MICAL2: variants seen among roughly 807,000 people sequenced by gnomAD.
MICAL2 encodes the protein [F-actin]-monooxygenase MICAL2.
MICAL2 carries 77 observed loss-of-function variants against 127.3 expected under a neutral mutation model. The observed-to-expected ratio is 0.60, with a 90% CI of 0.50 to 0.73. The LOEUF (loss-of-function observed/expected upper bound fraction) is 0.73. Ranked by LOEUF, MICAL2 falls within the 30% of genes least tolerant of loss-of-function variation. The probability of loss-of-function intolerance (pLI) is 0.00; values close to 1 mark genes in which losing one functional copy is unlikely to be tolerated. For missense variants in MICAL2, 1,351 were observed against 1,434.4 expected (o/e 0.94, Z 0.94); for synonymous variants, 570 against 551.1 (o/e 1.03, Z -0.48).
chr11:12,350,020 C>T (rs1050255290), intron 33 of MICAL2: 11 of 1,099,152 alleles, frequency 1.0e-5, no homozygotes, highest in East Asian at 9.9e-5. Flanking sequence ...GCCGAAGTCT[C>T]GGGACTTTTT....
chr11:12,208,459 T>A (rs1159588554), intron 5 of MICAL2: 1 of 258,724 alleles, frequency 3.9e-6, no homozygotes, highest in Non-Finnish European at 7.5e-6. Flanking sequence ...GTAAGGTTCA[T>A]TCACGTGTTC....
chr11:12,332,804 A>G (rs187308488), intron 32 of MICAL2, among the ~76,000 whole-genome samples: 9 of 152,318 alleles, frequency 5.9e-5, no homozygotes, highest in Admixed American at 5.9e-4. Flanking sequence ...GTTGTGCAGT[A>G]GTCACACAGT....
At chr11:12,117,957 T>C (rs567887910) in intron 1 of MICAL2, among the ~76,000 whole-genome samples, 1 of 152,316 alleles carries the variant, frequency 6.6e-6, no homozygotes, top group South Asian at 2.1e-4. Flanking sequence ...GTGAGGCTCA[T>C]GCAGTTGGAG....
chr11:12,355,248 T>C (rs968292642), intron 34 of MICAL2, among the ~76,000 whole-genome samples: 1 of 152,002 alleles, frequency 6.6e-6, no homozygotes, highest in Non-Finnish European at 1.5e-5. Flanking sequence ...GCTAGTTCAG[T>C]GAGATGAAGG....
At chr11:12,273,883 A>G (rs141923475), upstream of MICAL2, among the ~76,000 whole-genome samples, 6 of 152,168 alleles carry the variant, frequency 3.9e-5, no homozygotes, top group East Asian at 1.2e-3. Context: ...GTCACTGTGG[A>G]CTGTGCTGGG....
chr11:12,189,492 G>A (rs979610622), intron 3 of MICAL2, among the ~76,000 whole-genome samples: 1 of 152,150 alleles, frequency 6.6e-6, no homozygotes, highest in East Asian at 1.9e-4. Flanking sequence ...GGTAGGATCA[G>A]GTATTACAGG....
chr11:12,320,577 G>T (rs1864281722), intron 30 of MICAL2, among the ~76,000 whole-genome samples: 1 of 152,164 alleles, frequency 6.6e-6, no homozygotes, highest in African/African-American at 2.4e-5. Flanking sequence ...GACCTAAAAT[G>T]CTTCCCGGGT....
intron 34 of MICAL2, among the ~76,000 whole-genome samples, chr11:12,356,792 G>A (rs752101851): frequency 6.6e-5 from 10 of 152,278 alleles, no homozygotes; most frequent in South Asian, 6.2e-4. Flanking sequence ...TCTAGGCTCC[G>A]CCCATGCCGC....
intron 3 of MICAL2, among the ~76,000 whole-genome samples, chr11:12,171,526 T>C (rs1049377994): frequency 6.6e-6 from 1 of 152,236 alleles, no homozygotes; most frequent in Non-Finnish European, 1.5e-5. Context: ...TATCTGTCTA[T>C]CTCCTACTCA....
intron 24 of MICAL2, among the ~76,000 whole-genome samples, chr11:12,269,509 C>T (rs1218428589): frequency 6.6e-6 from 1 of 152,208 alleles, no homozygotes; most frequent in African/African-American, 2.4e-5. Context: ...TGTGCCCCCA[C>T]CCCTCACCTG....
Position 12,236,231 on chromosome 11 carries a change from AC to A in MICAL2, c.2052del (p.Asn685ThrfsTer52). 1 of 1,614,236 alleles carries A rather than the reference AC, an allele frequency of 6.2e-7. No individual in the cohort carries two copies. Among genetic ancestry groups the A allele is most frequent in the Non-Finnish European group, 8.5e-7 (1 of 1,180,034 alleles). On this transcript the variant is annotated frameshift_variant, in exon 16 of 28. Coordinates refer to ENST00000683283, the MANE Select transcript of MICAL2 (RefSeq NM_001282663.2). LOFTEE classifies it high-confidence loss of function. Reference sequence around the variant, plus strand: ...GAACAAACGGAGACGGAAGGGCTTCACCAACCTGGACGAGGTTTGTGTACAC... The same window carrying A: ...GAACAAACGGAGACGGAAGGGCTTCACAACCTGGACGAGGTTTGTGTACAC... The part of the protein sequence containing the change: ...DMNKRRRKGF[T>X]NLDEPSNFSS...
intron 21 of MICAL2, among the ~76,000 whole-genome samples, chr11:12,248,901 G>A (rs1861145292): frequency 1.3e-5 from 2 of 152,170 alleles, no homozygotes; most frequent in South Asian, 4.1e-4. Context: ...CGTAGTGCTG[G>A]TGTGGAAGAA....
chr11:12,200,308 A>G (rs1377045707), intron 3 of MICAL2, among the ~76,000 whole-genome samples: 1 of 152,206 alleles, frequency 6.6e-6, no homozygotes, highest in Non-Finnish European at 1.5e-5. Flanking sequence ...TTCCTTGGAC[A>G]TAAGGCCTAG....
intron 29 of MICAL2, among the ~76,000 whole-genome samples, chr11:12,300,391 A>G (rs768004364): frequency 6.7e-6 from 1 of 148,684 alleles, no homozygotes; most frequent in African/African-American, 2.5e-5. Flanking sequence ...GTGCAAATAT[A>G]GTTAAGCCCC....
At chr11:12,300,065 C>T (rs143311950) in intron 29 of MICAL2, among the ~76,000 whole-genome samples, 3 of 152,028 alleles carry the variant, frequency 2.0e-5, no homozygotes, top group Admixed American at 6.6e-5. Context: ...GAAGCAGAGG[C>T]GGGTGGATTA....
chr11:12,162,457 G>C, intron 3 of MICAL2, 38 bp downstream of exon 3: 1 of 1,606,812 alleles, frequency 6.2e-7, no homozygotes, highest in Non-Finnish European at 8.5e-7. Context: ...TTTGCAGGGC[G>C]TGTGGGTTGA....
intron 8 of MICAL2, among the ~76,000 whole-genome samples, chr11:12,219,114 T>C (rs1856517307): frequency 6.6e-6 from 1 of 152,098 alleles, no homozygotes; most frequent in Admixed American, 6.5e-5. Context: ...ACAGCAGAGG[T>C]GGACTTTGAC....
chr11:12,259,567 G>A (rs987383148), intron 25 of MICAL2: 16 of 427,052 alleles, frequency 3.7e-5, no homozygotes, highest in African/African-American at 8.1e-5. Context: ...TGAGATTGCC[G>A]ATCAAAAGGC....
intron 30 of MICAL2, among the ~76,000 whole-genome samples, chr11:12,323,550 C>A (rs1255026551): frequency 2.6e-5 from 4 of 152,084 alleles, no homozygotes; most frequent in African/African-American, 9.7e-5. Flanking sequence ...AATTCTTATA[C>A]CATTCCTTCT....
Sources: allele counts gnomAD v4.1 joint callset (sites outside exome capture counted in the v4.1 genomes callset), GRCh38; gene constraint gnomAD v4.1.1; transcripts MANE v1.5; gene names NCBI Gene and HGNC (gene_info 2026-07-23, HGNC 2026-07-21).